DKK2: variants seen among roughly 807,000 people sequenced by gnomAD.
DKK2 encodes dickkopf Wnt signaling pathway inhibitor 2.
A neutral mutation model predicts 28.1 loss-of-function variants in DKK2; 11 were observed. That is an observed-to-expected ratio of 0.39 (90% CI 0.25 to 0.65). The LOEUF is 0.65. Ranked by LOEUF, DKK2 falls within the 30% of genes least tolerant of loss-of-function variation. DKK2 has a pLI of 0.47. For missense variants in DKK2, 326 were observed against 335.5 expected, an observed-to-expected ratio of 0.97 and a Z score of 0.22; for synonymous variants, 135 against 126.5, an observed-to-expected ratio of 1.07 and a Z score of -0.45.
At chr4:106,930,920 C>T (rs1724493862) in intron 1 of DKK2, among the ~76,000 whole-genome samples, 2 of 152,116 alleles carry the variant, frequency 1.3e-5, no homozygotes, top group Non-Finnish European at 2.9e-5. Flanking sequence ...CTGGCTTGCC[C>T]TGAGTCCTTA....
intron 1 of DKK2, among the ~76,000 whole-genome samples, chr4:107,026,038 G>A (rs1723774146): frequency 1.3e-5 from 2 of 152,196 alleles, no homozygotes; most frequent in Admixed American, 6.5e-5. Flanking sequence ...ACATTGGGCA[G>A]ATCATGAAAC....
At chr4:106,960,651 T>C (rs1314594393) in intron 1 of DKK2, among the ~76,000 whole-genome samples, 3 of 152,184 alleles carry the variant, frequency 2.0e-5, no homozygotes, top group Admixed American at 6.6e-5. Flanking sequence ...TCAATAAATA[T>C]ATGGTCAACT....
intron 1 of DKK2, among the ~76,000 whole-genome samples, chr4:107,017,871 G>A (rs891539497): frequency 5.9e-5 from 9 of 151,766 alleles, no homozygotes; most frequent in African/African-American, 2.2e-4. Flanking sequence ...CTTACCTTTG[G>A]AATGTGGTTG....
chr4:106,953,450 G>A (rs913690657), intron 1 of DKK2, among the ~76,000 whole-genome samples: 2 of 152,128 alleles, frequency 1.3e-5, no homozygotes, highest in African/African-American at 4.8e-5. Flanking sequence ...AGAACAAAGT[G>A]CTTTTAAAAA....
intron 1 of DKK2, among the ~76,000 whole-genome samples, chr4:106,999,369 G>C (rs528086997): frequency 6.6e-6 from 1 of 151,912 alleles, no homozygotes; most frequent in South Asian, 2.1e-4. Flanking sequence ...CTTTTTTTGA[G>C]ACGGAGTCTC....
chr4:107,024,918 G>A (rs189230723), intron 1 of DKK2, among the ~76,000 whole-genome samples: 11 of 152,348 alleles, frequency 7.2e-5, no homozygotes, highest in Non-Finnish European at 1.5e-4. Flanking sequence ...AAATGAAAGT[G>A]TGATAGTGCA....
intron 1 of DKK2, among the ~76,000 whole-genome samples, chr4:106,937,824 C>T (rs1202200085): frequency 4.0e-5 from 6 of 151,716 alleles, no homozygotes; most frequent in African/African-American, 1.5e-4. Context: ...CACTCAAAAC[C>T]GGTCAACTAC....
intron 1 of DKK2, among the ~76,000 whole-genome samples, chr4:106,933,561 T>G (rs1724532612): frequency 6.6e-6 from 1 of 152,222 alleles, no homozygotes; most frequent in African/African-American, 2.4e-5. Flanking sequence ...TTTCATATCC[T>G]CAAGTGGTAT....
At chr4:107,023,948 ATTGT>A (rs1355651475) in intron 1 of DKK2, among the ~76,000 whole-genome samples, 1 of 152,146 alleles carries the variant, frequency 6.6e-6, no homozygotes, top group Non-Finnish European at 1.5e-5. Context: ...GACCTATTAC[ATTGT>A]TTGATGCTTG....
At chr4:107,000,152 TG>T in intron 1 of DKK2, among the ~76,000 whole-genome samples, 1 of 152,332 alleles carries the variant, frequency 6.6e-6, no homozygotes, top group Non-Finnish European at 1.5e-5. Flanking sequence ...TTCAATGGAT[TG>T]GCTCTATGTC....
chr4:106,926,026 A>G (rs1202309499), intron 1 of DKK2, 77 bp from the exon 2 acceptor site: 58 of 1,428,444 alleles, frequency 4.1e-5, no homozygotes, highest in Admixed American at 1.9e-4. Flanking sequence ...ATAGCAAATC[A>G]TGATAGAAAA....
chr4:106,937,942 C>G (rs1280147249), intron 1 of DKK2, among the ~76,000 whole-genome samples: 1 of 148,148 alleles, frequency 6.8e-6, no homozygotes. Context: ...CACAACATAC[C>G]AGAATCTCTG....
chr4:106,937,892 C>G (rs1275897450), intron 1 of DKK2, among the ~76,000 whole-genome samples: 1 of 151,742 alleles, frequency 6.6e-6, no homozygotes, highest in African/African-American at 2.4e-5. Flanking sequence ...GAAATGAAGG[C>G]AGAAATAAAG....
chr4:107,025,261 C>T (rs974623206), intron 1 of DKK2, among the ~76,000 whole-genome samples: 2 of 152,058 alleles, frequency 1.3e-5, no homozygotes, highest in Non-Finnish European at 2.9e-5. Flanking sequence ...AAGTTCTCTG[C>T]CAGGGAAGGG....
intron 1 of DKK2, among the ~76,000 whole-genome samples, chr4:106,965,315 C>A (rs1412507655): frequency 6.6e-6 from 1 of 151,974 alleles, no homozygotes; most frequent in Non-Finnish European, 1.5e-5. Flanking sequence ...TATTAGCCAT[C>A]GTGTTTCAAC....
intron 1 of DKK2, among the ~76,000 whole-genome samples, chr4:106,938,720 C>T (rs1254541167): frequency 6.6e-6 from 1 of 152,070 alleles, no homozygotes; most frequent in African/African-American, 2.4e-5. Flanking sequence ...CAACAAAATA[C>T]TGGCAAAACG....
chr4:106,947,910 C>T (rs1560577790), intron 1 of DKK2, among the ~76,000 whole-genome samples: 1 of 151,998 alleles, frequency 6.6e-6, no homozygotes, highest in Admixed American at 6.6e-5. Context: ...CTCAGCCTCT[C>T]GAGTTGCTAG....
In DKK2 at chr4:106,924,155, A is replaced by C; in HGVS notation, c.579T>G (p.Phe193Leu). The part of the protein sequence containing the change: ...CLRSSDCIEG[F>L]CCARHFWTKI... The stretch of plus-strand genomic sequence containing the variant: ...TGGTCCAGAAATGACGAGCACAGCA[A>C]AACCCTTCAATGCAGTCTGATGATC... The change falls in exon 4 of 4, where the codon TTT (phenylalanine) becomes TTG (leucine). Residue 193 changes from phenylalanine (F) to leucine (L), a missense_variant. Transcript: ENST00000285311. 1 of 1,614,022 alleles carries C rather than the reference A, an allele frequency of 6.2e-7. No individual in the cohort carries two copies. Among genetic ancestry groups the C allele is most frequent in the Non-Finnish European group, 8.5e-7 (1 of 1,179,920 alleles).
chr4:106,943,911 G>A (rs1339558256), intron 1 of DKK2, among the ~76,000 whole-genome samples: 1 of 152,068 alleles, frequency 6.6e-6, no homozygotes, highest in East Asian at 1.9e-4. Flanking sequence ...AGGTGTTTCT[G>A]AGGATCAGAT....
Sources: allele counts gnomAD v4.1 joint callset (sites outside exome capture counted in the v4.1 genomes callset), GRCh38; gene constraint gnomAD v4.1.1; transcripts MANE v1.5; gene names NCBI Gene and HGNC (gene_info 2026-07-23, HGNC 2026-07-21).